The following TSPAN18 variants were observed in gnomAD, a reference collection of about 807,000 sequenced individuals.
The protein encoded by TSPAN18 is tetraspanin-18.
A neutral mutation model predicts 27.3 loss-of-function variants in TSPAN18; 14 were observed. The observed-to-expected ratio is 0.51, with a 90% CI of 0.34 to 0.80. The LOEUF (loss-of-function observed/expected upper bound fraction) is 0.80, where lower values mean the gene tolerates loss of function less well. TSPAN18 is among the 30% of genes least tolerant of loss of function. TSPAN18 has a pLI of 0.01. For missense variants in TSPAN18, 268 were observed against 323.9 expected (o/e 0.83, Z 1.32); for synonymous variants, 143 against 136.5 (o/e 1.05, Z -0.33).
intron 1 of TSPAN18, among the ~76,000 whole-genome samples, chr11:44,760,523 G>T (rs1855430111): frequency 6.6e-6 from 1 of 152,198 alleles, no homozygotes; most frequent in Non-Finnish European, 1.5e-5. Context: ...GTGCTATTGT[G>T]TATGTATGTT....
At chr11:44,904,962 C>T (rs1437205417) in intron 3 of TSPAN18, among the ~76,000 whole-genome samples, 2 of 152,128 alleles carry the variant, frequency 1.3e-5, no homozygotes, top group Admixed American at 1.3e-4. Flanking sequence ...GAGTACATAC[C>T]TCCTTGGTGG....
intron 4 of TSPAN18, 22 bp downstream of exon 4, chr11:44,906,501 C>T: frequency 6.2e-7 from 1 of 1,607,184 alleles, no homozygotes; most frequent in South Asian, 1.1e-5. Context: ...TGGGTCTTCC[C>T]AGGCCTCTGC....
At chr11:44,767,609 C>T (rs1826777800) in intron 2 of TSPAN18, among the ~76,000 whole-genome samples, 2 of 152,226 alleles carry the variant, frequency 1.3e-5, no homozygotes, top group East Asian at 1.9e-4. Context: ...TCTATGGATT[C>T]CCCAGGCTTC....
chr11:44,924,399 G>T (rs1860268393), intron 8 of TSPAN18, among the ~76,000 whole-genome samples: 1 of 152,146 alleles, frequency 6.6e-6, no homozygotes. Flanking sequence ...AATAGCCCAA[G>T]GTCGCACAGC....
intron 2 of TSPAN18, among the ~76,000 whole-genome samples, chr11:44,832,840 C>T (rs17180697): frequency 0.066 from 10,099 of 152,154 alleles, 1,466 homozygotes; most frequent in East Asian, 0.57. Context: ...AGGGAAACCT[C>T]GGTGGCTCTC....
intron 2 of TSPAN18, among the ~76,000 whole-genome samples, chr11:44,799,075 T>C (rs766228158): frequency 8.1e-5 from 12 of 149,060 alleles, no homozygotes; most frequent in Non-Finnish European, 1.8e-4. Flanking sequence ...CTCCCTTGTT[T>C]TTTGTTCCTC....
chr11:44,887,520 A>G (rs1193257841), intron 3 of TSPAN18, among the ~76,000 whole-genome samples: 1 of 152,156 alleles, frequency 6.6e-6, no homozygotes, highest in East Asian at 1.9e-4. Context: ...GGTTCAAAGG[A>G]GATAATGTAA....
At chr11:44,729,613 A>C (rs1312356710) in intron 1 of TSPAN18, among the ~76,000 whole-genome samples, 3 of 152,136 alleles carry the variant, frequency 2.0e-5, no homozygotes, top group Non-Finnish European at 4.4e-5. Flanking sequence ...TCAAACAGCC[A>C]GTATATGTGG....
At chr11:44,885,452 G>A (rs560200255) in intron 3 of TSPAN18, among the ~76,000 whole-genome samples, 179 of 152,250 alleles carry the variant, frequency 1.2e-3, no homozygotes, top group Non-Finnish European at 2.2e-3. Flanking sequence ...GCGTCCTTCC[G>A]GGCCTGGAGA....
At position 44,864,060 on chromosome 11, in the gene TSPAN18, G is replaced by A. The variant is rs184621395; in HGVS notation, c.-11+3591G>A. On this transcript the variant is annotated intron_variant, in intron 3 of 9. Transcript: ENST00000520358. ...TCCCAGCATTTTGGGAGGCTGAGGC[G>A]GGCGGATCTCAAGGTCAGGAGTTCG... Among the ~76,000 whole-genome samples the A allele has an allele frequency of 2.2e-3, 342 of 152,012 alleles. 2 individuals carry two copies. The highest frequency in any genetic ancestry group is 0.014 in the Middle Eastern group (4 of 292).
At chr11:44,903,977 G>A (rs1859362727) in intron 3 of TSPAN18, 1 of 419,182 alleles carries the variant, frequency 2.4e-6, no homozygotes. Flanking sequence ...CTGGCACATA[G>A]TAAATGCTCA....
chr11:44,767,980 TACCA>T (rs2134905842), intron 2 of TSPAN18, among the ~76,000 whole-genome samples: 1 of 152,382 alleles, frequency 6.6e-6, no homozygotes, highest in Non-Finnish European at 1.5e-5. Flanking sequence ...CTTTCACAAA[TACCA>T]CACCATTTTA....
At chr11:44,754,108 G>A (rs535940935) in intron 1 of TSPAN18, among the ~76,000 whole-genome samples, 1 of 152,294 alleles carries the variant, frequency 6.6e-6, no homozygotes, top group South Asian at 2.1e-4. Context: ...CATGTGCTGG[G>A]AAAAGCCATC....
At chr11:44,785,941 C>T (rs1358262302) in intron 2 of TSPAN18, among the ~76,000 whole-genome samples, 1 of 152,244 alleles carries the variant, frequency 6.6e-6, no homozygotes, top group African/African-American at 2.4e-5. Flanking sequence ...TCACTTAACT[C>T]TTCCTGTTTC....
chr11:44,897,885 C>A lies in TSPAN18; in HGVS notation c.-10-8522C>A, dbSNP rs1055873730. 2.3e-5 allele frequency: 30 copies of A among 1,285,990 alleles called. No homozygotes were observed. In the South Asian group the frequency reaches 3.6e-4, roughly 15 times the overall value. 79.7% of individuals were successfully genotyped at this position (1,285,990 alleles called of 1,614,324 possible). On this transcript the variant is annotated intron_variant, in intron 3 of 9. Coordinates refer to ENST00000520358, the MANE Select transcript of TSPAN18 (RefSeq NM_130783.5). Reference sequence around the variant, plus strand: ...AGTGTACCTCTGCCCCATCACCTGACACGGTCCCATCTCCACTCTGATCCT... The same window carrying A: ...AGTGTACCTCTGCCCCATCACCTGAAACGGTCCCATCTCCACTCTGATCCT...
chr11:44,890,190 A>T (rs1017938901), intron 3 of TSPAN18, among the ~76,000 whole-genome samples: 1 of 152,198 alleles, frequency 6.6e-6, no homozygotes, highest in Non-Finnish European at 1.5e-5. Context: ...AAGACAGATG[A>T]GGTGAGCCAT....
intron 8 of TSPAN18, among the ~76,000 whole-genome samples, chr11:44,925,282 C>T (rs980663917): frequency 2.0e-5 from 3 of 152,224 alleles, no homozygotes; most frequent in African/African-American, 7.2e-5. Context: ...TGTTGTGGGG[C>T]GAGGTCTTGG....
chr11:44,930,646 T>C lies in TSPAN18; in HGVS notation c.*1468T>C, dbSNP rs528434662. Reference sequence around the variant, plus strand: ...CTCTAGACGAGTGTTGGCAACTGGATTGCAAGATGCTCCTACCCTGATAGA... The same window carrying C: ...CTCTAGACGAGTGTTGGCAACTGGACTGCAAGATGCTCCTACCCTGATAGA... On this transcript the variant is annotated 3_prime_UTR_variant, in exon 10 of 10. Coordinates refer to ENST00000520358, the MANE Select transcript of TSPAN18 (RefSeq NM_130783.5). 3.5e-5 allele frequency: 12 copies of C among 344,476 alleles called. No homozygotes were observed. Among genetic ancestry groups the C allele is most frequent in the South Asian group, 1.9e-4 (9 of 46,398 alleles). 21.3% of individuals were successfully genotyped at this position (344,476 alleles called of 1,614,324 possible).
Position 44,902,139 on chromosome 11 carries a change from A to G in TSPAN18, c.-10-4268A>G, listed in dbSNP as rs117953128. On this transcript the variant is annotated intron_variant, in intron 3 of 9. Coordinates refer to ENST00000520358, the MANE Select transcript of TSPAN18 (RefSeq NM_130783.5). ...TGGTCTAACAGGGAACAGCAGGCCT[A>G]TGAGTAACCTATGAAGGCAGAGTTA... is the stretch of plus-strand genomic sequence containing the variant. Among the ~76,000 whole-genome samples, 329 of 152,362 alleles carry G rather than the reference A, an allele frequency of 2.2e-3. 4 individuals are homozygous for G. The highest frequency in any genetic ancestry group is 6.8e-3 in the Middle Eastern group (2 of 294).
Sources: gnomAD v4.1 joint callset for allele counts (sites outside exome capture counted in the v4.1 genomes callset) on GRCh38, gnomAD v4.1.1 for gene constraint, MANE v1.5 for transcripts, NCBI Gene and HGNC (gene_info 2026-07-23, HGNC 2026-07-21) for gene names.